The following RICTOR variants were observed in gnomAD, a reference collection of about 807,000 sequenced individuals.
The protein encoded by RICTOR is RPTOR independent companion of MTOR complex 2, also known as rapamycin-insensitive companion of mTOR.
Under a neutral mutation model 214.9 loss-of-function variants are expected in RICTOR, and 49 were observed. That is an observed-to-expected ratio of 0.23 (90% CI 0.18 to 0.29). RICTOR has a LOEUF of 0.29. RICTOR is among the 10% of genes least tolerant of loss of function. The probability of loss-of-function intolerance (pLI) is 1.00; values close to 1 mark genes in which losing one functional copy is unlikely to be tolerated. For synonymous variants in RICTOR, 717 were observed against 711.3 expected, an observed-to-expected ratio of 1.01 and a Z score of -0.13; for missense variants, 1,625 against 2,047.0, an observed-to-expected ratio of 0.79 and a Z score of 3.98.
At position 39,072,657 on chromosome 5, in the gene RICTOR, CAT is replaced by C. The variant is rs373670513; in HGVS notation, c.97+1452_97+1453del. On this transcript the variant is annotated intron_variant, in intron 2 of 37. Transcript: ENST00000357387. ...GAATCTATTTTATATAGATTTTTCACATGTGTGTTATAGTCAAGTTTCCAAAC... is the reference window on the plus strand; with the variant it reads ...GAATCTATTTTATATAGATTTTTCACGTGTGTTATAGTCAAGTTTCCAAAC... 3.9e-5 allele frequency among the ~76,000 whole-genome samples: 6 copies of C among 152,238 alleles called. No individual in the cohort carries two copies. The East Asian group carries it at 5.8e-4, about 15-fold the overall frequency.
intron 3 of RICTOR, among the ~76,000 whole-genome samples, chr5:39,014,360 G>T (rs1580102713): frequency 6.6e-6 from 1 of 152,098 alleles, no homozygotes; most frequent in East Asian, 1.9e-4. Context: ...TACCAGAAAA[G>T]GATACTTTCT....
At chr5:39,017,099 A>C (rs760144866) in intron 3 of RICTOR, among the ~76,000 whole-genome samples, 3 of 152,134 alleles carry the variant, frequency 2.0e-5, no homozygotes, top group Non-Finnish European at 2.9e-5. Flanking sequence ...TGTAAGACCC[A>C]TGCTAGTAAC....
intron 2 of RICTOR, among the ~76,000 whole-genome samples, chr5:39,038,239 T>C (rs532007686): frequency 6.6e-6 from 1 of 152,230 alleles, no homozygotes; most frequent in Non-Finnish European, 1.5e-5. Context: ...TCTCAATAGA[T>C]GCAGAAAAGG....
chr5:38,946,434 A>T, intron 33 of RICTOR, 34 bp downstream of exon 33: 1 of 1,286,884 alleles, frequency 7.8e-7, no homozygotes, highest in Non-Finnish European at 1.1e-6. Flanking sequence ...TAATATAAAG[A>T]GGCATCTCAC....
Position 38,967,967 on chromosome 5 carries a change from A to C in RICTOR, c.1036T>G (p.Phe346Val). The C allele has an allele frequency of 6.3e-7, 1 of 1,595,868 alleles. No homozygotes were observed. The highest frequency in any genetic ancestry group is 8.6e-7 in the Non-Finnish European group (1 of 1,163,738). The change falls in exon 12 of 38, where the codon TTC becomes GTC. Residue 346 changes from phenylalanine (F) to valine (V), a missense_variant. Phe to Val is a conservative substitution (Grantham distance 50, BLOSUM62 -1). This residue lies in a region of RICTOR where 258 missense variants were observed against 393.7 expected (regional missense o/e 0.66). Coordinates refer to ENST00000357387, the MANE Select transcript of RICTOR (RefSeq NM_152756.5). ...CCTACACTGAGTAGTGCTTCTATGA[A>C]CTCCTCAGTCACAACAGGTAGAGGA... ...RLPLPVVTEEFIEALLSVDPG... is the reference protein window; with the variant it reads ...RLPLPVVTEEVIEALLSVDPG...
Position 38,957,749 on chromosome 5 carries a change from A to T in RICTOR, c.2421-19T>A. On this transcript the variant is annotated intron_variant, in intron 24 of 37. Coordinates refer to ENST00000357387, the MANE Select transcript of RICTOR (RefSeq NM_152756.5). ...GAGAAATCTGCAAATTAAAACAAGC[A>T]ATAGTTTAACATTGAGTCTGGCAAA... The T allele has an allele frequency of 7.0e-7, 1 of 1,418,862 alleles. No individual in the cohort carries two copies. Among genetic ancestry groups the T allele is most frequent in the South Asian group, 1.2e-5 (1 of 82,082 alleles). 87.9% of individuals were successfully genotyped at this position (1,418,862 alleles called of 1,614,324 possible).
intron 2 of RICTOR, among the ~76,000 whole-genome samples, chr5:39,042,103 A>T (rs1273122078): frequency 6.6e-6 from 1 of 152,132 alleles, no homozygotes. Context: ...TGCCCACAGT[A>T]ATCTGCATTT....
chr5:38,956,537 C>T (rs1014181335), intron 25 of RICTOR, among the ~76,000 whole-genome samples: 1 of 151,940 alleles, frequency 6.6e-6, no homozygotes, highest in African/African-American at 2.4e-5. Context: ...CCGTGGATAC[C>T]CTTCTTCTAA....
chr5:38,985,841 G>A (rs370883061), intron 7 of RICTOR, among the ~76,000 whole-genome samples: 9 of 151,940 alleles, frequency 5.9e-5, no homozygotes, highest in Non-Finnish European at 1.0e-4. Context: ...GATTACAGGC[G>A]CATGCCACCA....
intron 3 of RICTOR, among the ~76,000 whole-genome samples, chr5:39,006,771 A>AGGAGGGGAGAGGAGGGGAGAGGAGG (rs1419271140): frequency 3.9e-5 from 1 of 25,706 alleles, no homozygotes; most frequent in Non-Finnish European, 6.7e-5. Flanking sequence ...AGGAGGGGAG[A>AGGAGGGGAGAGGAGGGGAGAGGAGG]GGAGAGGAGG....
intron 10 of RICTOR, 28 bp from the exon 11 acceptor site, chr5:38,971,987 C>G (rs371284692): frequency 1.1e-4 from 113 of 1,021,560 alleles, no homozygotes; most frequent in Non-Finnish European, 1.5e-4. Context: ...AAAAAAAAAT[C>G]ACTGACATGA....
At chr5:39,007,197 G>A (rs188744268) in intron 3 of RICTOR, among the ~76,000 whole-genome samples, 2 of 152,234 alleles carry the variant, frequency 1.3e-5, no homozygotes, top group African/African-American at 4.8e-5. Context: ...TCACAGACTG[G>A]GTGGCTTAAA....
rs1748118534 is a variant in RICTOR, at chr5:38,945,722, G to C, written c.4402C>G (p.Leu1468Val). 1 of 1,513,406 alleles carries C rather than the reference G, an allele frequency of 6.6e-7. No individual in the cohort carries two copies. Among genetic ancestry groups the C allele is most frequent in the African/African-American group, 1.4e-5 (1 of 72,760 alleles). The allele number at this position is 1,513,406 out of a possible 1,614,324, so 93.7% of individuals were successfully genotyped here. ...ACAAGACCTCCAGTTCCAGATGGAAGACCTGTGCATAAGTAAATATAAAAC... is the reference window on the plus strand; with the variant it reads ...ACAAGACCTCCAGTTCCAGATGGAACACCTGTGCATAAGTAAATATAAAAC... ...ARAFAHDAGG[L>V]PSGTGGLVKN... Residue 1468 changes from leucine to valine, a missense_variant and splice_region_variant, in exon 34 of 38, where the codon CTT becomes GTT. Leu to Val is a conservative substitution (Grantham distance 32, BLOSUM62 1). Coordinates refer to ENST00000357387, the MANE Select transcript of RICTOR (RefSeq NM_152756.5).
At chr5:39,042,199 G>C (rs532635372) in intron 2 of RICTOR, among the ~76,000 whole-genome samples, 2 of 152,098 alleles carry the variant, frequency 1.3e-5, no homozygotes, top group South Asian at 4.1e-4. Context: ...ACTAGATTCT[G>C]ATATCTCTTT....
In RICTOR at chr5:39,039,264, T is replaced by C. The variant is rs577925790; in HGVS notation, c.98-18128A>G. 2.6e-5 allele frequency among the ~76,000 whole-genome samples: 4 copies of C among 152,302 alleles called. No homozygotes were observed. In the East Asian group the frequency reaches 5.8e-4, roughly 22 times the overall value. Reference sequence around the variant, plus strand: ...GTGCTGGGAAAACTGGCTAGCCATATGTAGAAAGCTGAAACTGGATCCCTT... The same window carrying C: ...GTGCTGGGAAAACTGGCTAGCCATACGTAGAAAGCTGAAACTGGATCCCTT... On this transcript the variant is annotated intron_variant, in intron 2 of 37. Transcript: ENST00000357387.
At chr5:39,011,931 G>C (rs899252009) in intron 3 of RICTOR, among the ~76,000 whole-genome samples, 1 of 152,186 alleles carries the variant, frequency 6.6e-6, no homozygotes, top group Non-Finnish European at 1.5e-5. Context: ...GCTGGAAAGA[G>C]TTAAGACTTT....
At chr5:38,983,855 C>G (rs575260363) in intron 7 of RICTOR, among the ~76,000 whole-genome samples, 1 of 152,070 alleles carries the variant, frequency 6.6e-6, no homozygotes, top group Non-Finnish European at 1.5e-5. Context: ...GTCCCAGCTA[C>G]TTGGGAGGCT....
rs1749865505 is a variant in RICTOR at position 38,962,329 on chromosome 5, A to T, written c.1701T>A (p.Asp567Glu). 1 of 1,427,596 alleles carries T rather than the reference A, an allele frequency of 7.0e-7. No homozygotes were observed. Among genetic ancestry groups the T allele is most frequent in the Non-Finnish European group, 9.7e-7 (1 of 1,027,048 alleles). 88.4% of individuals were successfully genotyped at this position (1,427,596 alleles called of 1,614,324 possible). The change falls in exon 19 of 38, where the codon GAT becomes GAA. Residue 567 changes from aspartate (D) to glutamate (E), a missense_variant. Asp to Glu is a conservative substitution (Grantham distance 45). Coordinates refer to ENST00000357387, the MANE Select transcript of RICTOR (RefSeq NM_152756.5). ...TTCTTACATACCTGTGTAACTGTTC[A>T]TCTTTATAGTTTCTTAGATTTACAT... ...WPNVNLRNYK[D>E]EQLHRFVRRL...
chr5:39,035,267 T>C (rs921011235), intron 2 of RICTOR, among the ~76,000 whole-genome samples: 2 of 152,188 alleles, frequency 1.3e-5, no homozygotes, highest in Non-Finnish European at 2.9e-5. Flanking sequence ...GGGTCCTGAC[T>C]GTTAGAAGGA....
Sources: gnomAD v4.1 joint callset for allele counts (sites outside exome capture counted in the v4.1 genomes callset) on GRCh38, gnomAD v4.1.1 for gene constraint, gnomAD v4.1.1 regional missense constraint, MANE v1.5 for transcripts, NCBI Gene and HGNC (gene_info 2026-07-23, HGNC 2026-07-21) for gene names.